LDB2: variants seen among roughly 807,000 people sequenced by gnomAD.
LDB2 encodes the protein LIM domain binding 2.
A neutral mutation model predicts 44.3 loss-of-function variants in LDB2; 12 were observed. The ratio of observed to expected loss-of-function variants is 0.27; its 90% CI spans 0.17 to 0.44. LDB2 has a LOEUF of 0.44. LDB2 is among the 20% of genes least tolerant of loss of function. LDB2 has a pLI of 1.00. For synonymous variants in LDB2, 164 were observed against 174.8 expected (o/e 0.94, Z 0.49); for missense variants, 344 against 473.5 (o/e 0.73, Z 2.54).
At chr4:16,733,187 C>A (rs535803174) in intron 2 of LDB2, among the ~76,000 whole-genome samples, 4 of 152,304 alleles carry the variant, frequency 2.6e-5, no homozygotes, top group African/African-American at 9.6e-5. Flanking sequence ...ATGAAGCCTA[C>A]TTTTCTACCT....
At position 16,664,711 on chromosome 4, in the gene LDB2, A is replaced by G. The variant is rs545067295; in HGVS notation, c.236-68836T>C. On this transcript the variant is annotated intron_variant, in intron 2 of 7. Transcript: ENST00000304523. ...AAGCCTTCCCACAAGGCATAAAATAATGGATCAATCTGAATTACCTTCCAT... is the reference window on the plus strand; with the variant it reads ...AAGCCTTCCCACAAGGCATAAAATAGTGGATCAATCTGAATTACCTTCCAT... Among the ~76,000 whole-genome samples the G allele has an allele frequency of 2.2e-4, 34 of 152,350 alleles. No homozygotes were observed. The East Asian group carries it at 6.2e-3, about 28-fold the overall frequency.
intron 1 of LDB2, among the ~76,000 whole-genome samples, chr4:16,791,684 T>C (rs1561244878): frequency 6.6e-6 from 1 of 152,108 alleles, no homozygotes; most frequent in Non-Finnish European, 1.5e-5. Context: ...CCAATTTAAT[T>C]TTGAAAGATA....
intron 1 of LDB2, among the ~76,000 whole-genome samples, chr4:16,809,400 A>G (rs967008480): frequency 6.6e-6 from 1 of 152,236 alleles, no homozygotes; most frequent in Non-Finnish European, 1.5e-5. Context: ...AAGGCTGTCC[A>G]GGACTGAGGG....
At chr4:16,817,236 T>C (rs1379633759) in intron 1 of LDB2, among the ~76,000 whole-genome samples, 2 of 152,256 alleles carry the variant, frequency 1.3e-5, no homozygotes, top group Non-Finnish European at 2.9e-5. Context: ...ACTGTTTCAT[T>C]TTCCCAGCTC....
rs548138295 is a variant in LDB2, at chr4:16,841,942, T to C, written c.132+56412A>G. 3.3e-5 allele frequency among the ~76,000 whole-genome samples: 5 copies of C among 152,262 alleles called. No individual in the cohort carries two copies. The South Asian group carries it at 1.0e-3, about 32-fold the overall frequency. On this transcript the variant is annotated intron_variant, in intron 1 of 7. Transcript: ENST00000304523. ...GTAAACTCTTAGAACACAAAGATCC[T>C]CCCCAGTTTCTTCAAGAGGCCATCA...
chr4:16,667,101 C>A (rs1325870240), intron 2 of LDB2, among the ~76,000 whole-genome samples: 2 of 152,180 alleles, frequency 1.3e-5, no homozygotes. Context: ...TAAAGGAATG[C>A]ACAGAGAGTG....
chr4:16,756,907 A>G (rs1394180963), intron 2 of LDB2, among the ~76,000 whole-genome samples: 1 of 151,482 alleles, frequency 6.6e-6, no homozygotes, highest in African/African-American at 2.4e-5. Flanking sequence ...CTAAAAAAAA[A>G]ACCCTCAGCT....
chr4:16,787,736 G>A lies in LDB2; in HGVS notation c.133-28476C>T, dbSNP rs574620698. Among the ~76,000 whole-genome samples, 5 of 152,278 alleles carry A rather than the reference G, an allele frequency of 3.3e-5. No homozygotes were observed. The East Asian group carries it at 9.6e-4, about 29-fold the overall frequency. On this transcript the variant is annotated intron_variant, in intron 1 of 7. Coordinates refer to ENST00000304523, the MANE Select transcript of LDB2 (RefSeq NM_001290.5). ...TTCTACCACTTAGAAGGCATATGGT[G>A]CACTTCCTATTGATTTTGTTACTCA...
At chr4:16,821,414 C>T (rs369167726) in intron 1 of LDB2, among the ~76,000 whole-genome samples, 12 of 147,196 alleles carry the variant, frequency 8.2e-5, no homozygotes, top group African/African-American at 2.3e-4. Flanking sequence ...GACGGAGTCT[C>T]GCTCTGTCGC....
intron 5 of LDB2, among the ~76,000 whole-genome samples, chr4:16,583,698 G>A (rs1488807191): frequency 6.6e-6 from 1 of 152,138 alleles, no homozygotes; most frequent in Non-Finnish European, 1.5e-5. Context: ...CTGCTTTTGG[G>A]CAATGAGTTT....
At chr4:16,558,832 G>A (rs1403974575) in intron 5 of LDB2, among the ~76,000 whole-genome samples, 1 of 152,202 alleles carries the variant, frequency 6.6e-6, no homozygotes, top group African/African-American at 2.4e-5. Flanking sequence ...TACCCACAGA[G>A]GGAAGCCCAT....
chr4:16,609,829 C>T (rs971928077), intron 2 of LDB2, among the ~76,000 whole-genome samples: 1 of 152,016 alleles, frequency 6.6e-6, no homozygotes, highest in African/African-American at 2.4e-5. Context: ...CCCCTCTCAG[C>T]GAAACACACT....
intron 1 of LDB2, among the ~76,000 whole-genome samples, chr4:16,867,159 G>C (rs1273561391): frequency 6.6e-6 from 1 of 152,174 alleles, no homozygotes; most frequent in East Asian, 1.9e-4. Flanking sequence ...CCAGACATGG[G>C]AATGAGCAAG....
intron 1 of LDB2, among the ~76,000 whole-genome samples, chr4:16,885,786 C>G (rs1298518813): frequency 6.6e-6 from 1 of 152,162 alleles, no homozygotes; most frequent in Non-Finnish European, 1.5e-5. Flanking sequence ...GATCCACCCT[C>G]AAGTTGGGGA....
rs185093741 is a variant in LDB2 at position 16,642,453 on chromosome 4, A to C, written c.236-46578T>G. Reference sequence around the variant, plus strand: ...GATACAGAAGTTGATAGAAACATGAATTTAGTAAACTTAGAGCTCAGAGAC... The same window carrying C: ...GATACAGAAGTTGATAGAAACATGACTTTAGTAAACTTAGAGCTCAGAGAC... On this transcript the variant is annotated intron_variant, in intron 2 of 7. Coordinates refer to ENST00000304523, the MANE Select transcript of LDB2 (RefSeq NM_001290.5). Among the ~76,000 whole-genome samples, 6 of 152,352 alleles carry C rather than the reference A, an allele frequency of 3.9e-5. No individual in the cohort carries two copies. In the East Asian group the frequency reaches 1.2e-3, roughly 29 times the overall value.
At chr4:16,706,511 C>G (rs763855630) in intron 2 of LDB2, among the ~76,000 whole-genome samples, 1 of 152,164 alleles carries the variant, frequency 6.6e-6, no homozygotes, top group Non-Finnish European at 1.5e-5. Flanking sequence ...TTATAAGCCA[C>G]CCAGTCTATG....
chr4:16,778,364 A>G (rs1772422558), intron 1 of LDB2, among the ~76,000 whole-genome samples: 1 of 152,092 alleles, frequency 6.6e-6, no homozygotes, highest in Non-Finnish European at 1.5e-5. Context: ...ACTCCTCTCT[A>G]TATAAAACTT....
At chr4:16,712,200 C>A (rs1173393874) in intron 2 of LDB2, among the ~76,000 whole-genome samples, 1 of 152,086 alleles carries the variant, frequency 6.6e-6, no homozygotes, top group Non-Finnish European at 1.5e-5. Flanking sequence ...ATATAAAGAA[C>A]TCTAACTCAA....
At chr4:16,595,538 C>T (rs1720624620) in intron 3 of LDB2, among the ~76,000 whole-genome samples, 165 bp downstream of exon 3, 1 of 152,008 alleles carries the variant, frequency 6.6e-6, no homozygotes, top group Non-Finnish European at 1.5e-5. Context: ...CCGTGTTCAC[C>T]CCAAGAGTCA....
Sources: allele counts gnomAD v4.1 joint callset (sites outside exome capture counted in the v4.1 genomes callset), GRCh38; gene constraint gnomAD v4.1.1; transcripts MANE v1.5; gene names NCBI Gene and HGNC (gene_info 2026-07-23, HGNC 2026-07-21).